CACNB2: variants seen among roughly 807,000 people sequenced by gnomAD.
The protein encoded by CACNB2 is voltage-dependent L-type calcium channel subunit beta-2.
A neutral mutation model predicts 73.3 loss-of-function variants in CACNB2; 42 were observed. That is an observed-to-expected ratio of 0.57 (90% CI 0.45 to 0.74). The LOEUF is 0.74. CACNB2 is among the 30% of genes least tolerant of loss of function. The pLI is 0.00. For synonymous variants in CACNB2, 348 were observed against 310.3 expected (o/e 1.12, Z -1.28); for missense variants, 940 against 853.0 (o/e 1.10, Z -1.27).
chr10:18,423,346 C>T (rs1346161555), intron 3 of CACNB2, among the ~76,000 whole-genome samples: 5 of 152,154 alleles, frequency 3.3e-5, no homozygotes, highest in African/African-American at 1.2e-4. Flanking sequence ...TAGAAACTTT[C>T]TGTTTGGTGC....
chr10:18,261,195 C>T (rs2037520300), intron 2 of CACNB2: 2 of 1,549,230 alleles, frequency 1.3e-6, no homozygotes, highest in South Asian at 1.2e-5. Flanking sequence ...AGAAATGGAC[C>T]GAGGCTGTGA....
chr10:18,296,073 ATGGCT>A (rs990362222), intron 2 of CACNB2, among the ~76,000 whole-genome samples: 4 of 141,024 alleles, frequency 2.8e-5, no homozygotes, highest in African/African-American at 1.1e-4. Flanking sequence ...TTCAAACTGA[ATGGCT>A]TTAAGTTATG....
intron 2 of CACNB2, among the ~76,000 whole-genome samples, chr10:18,298,995 C>A (rs2039390873): frequency 6.8e-6 from 1 of 146,276 alleles, no homozygotes; most frequent in African/African-American, 2.6e-5. Context: ...TGCAGCACAC[C>A]AACATGGCAC....
chr10:18,417,529 C>T (rs1362160603), intron 3 of CACNB2, among the ~76,000 whole-genome samples: 3 of 151,894 alleles, frequency 2.0e-5, no homozygotes, highest in South Asian at 2.1e-4. Context: ...CCACCACACC[C>T]GGCTAATTTT....
At chr10:18,211,882 A>G (rs546854596) in intron 2 of CACNB2, among the ~76,000 whole-genome samples, 1 of 151,022 alleles carries the variant, frequency 6.6e-6, no homozygotes, top group African/African-American at 2.4e-5. Flanking sequence ...TTTTCTCCCC[A>G]TTACCAACAA....
In CACNB2 at chr10:18,492,686, T is replaced by G. The variant is rs757559611; in HGVS notation, c.334-5669T>G. Among the ~76,000 whole-genome samples, 20 of 151,744 alleles carry G rather than the reference T, an allele frequency of 1.3e-4. No individual in the cohort carries two copies. In the South Asian group the frequency reaches 1.7e-3, roughly 13 times the overall value. Reference sequence around the variant, plus strand: ...AAAGAAAATGAGTATGGGAAAACCTTACCATTTGCTCAAGTCCCAGAGAAT... The same window carrying G: ...AAAGAAAATGAGTATGGGAAAACCTGACCATTTGCTCAAGTCCCAGAGAAT... On this transcript the variant is annotated intron_variant, in intron 3 of 13. Coordinates refer to ENST00000324631, the MANE Select transcript of CACNB2 (RefSeq NM_201596.3).
At chr10:18,453,780 C>T (rs890748038) in intron 3 of CACNB2, among the ~76,000 whole-genome samples, 1 of 152,162 alleles carries the variant, frequency 6.6e-6, no homozygotes, top group Non-Finnish European at 1.5e-5. Flanking sequence ...CAGGCGTGCA[C>T]CACCATGCCT....
chr10:18,441,982 A>G (rs1300814323), intron 3 of CACNB2, among the ~76,000 whole-genome samples: 1 of 152,180 alleles, frequency 6.6e-6, no homozygotes, highest in African/African-American at 2.4e-5. Context: ...TAATTAATGT[A>G]TCTGCTTTTA....
chr10:18,497,219 A>G (rs1014615956), intron 3 of CACNB2, among the ~76,000 whole-genome samples: 11 of 151,574 alleles, frequency 7.3e-5, no homozygotes, highest in Non-Finnish European at 1.3e-4. Context: ...AAAAAAAAAA[A>G]AAAAAGAAAA....
At chr10:18,173,407 G>A (rs1033412456) in intron 2 of CACNB2, among the ~76,000 whole-genome samples, 7 of 152,168 alleles carry the variant, frequency 4.6e-5, no homozygotes, top group Admixed American at 1.3e-4. Context: ...ATACATGTTG[G>A]CTCAAATGGT....
At chr10:18,509,802 AAAC>A (rs1391500820) in intron 6 of CACNB2, among the ~76,000 whole-genome samples, 1 of 151,430 alleles carries the variant, frequency 6.6e-6, no homozygotes, top group African/African-American at 2.4e-5. Context: ...ATAAATAAAT[AAAC>A]AAACAAACAG....
chr10:18,433,116 C>T (rs2045970364), intron 3 of CACNB2, among the ~76,000 whole-genome samples: 2 of 81,862 alleles, frequency 2.4e-5, no homozygotes, highest in South Asian at 5.0e-4. Flanking sequence ...TATGTATATG[C>T]GTGTATTGAT....
At chr10:18,260,340 T>C (rs762157161) in intron 2 of CACNB2, 3 of 645,034 alleles carry the variant, frequency 4.7e-6, no homozygotes, top group Non-Finnish European at 5.8e-6. Context: ...ATCTAAATCA[T>C]AGGTGGTATG....
intron 2 of CACNB2, among the ~76,000 whole-genome samples, chr10:18,337,192 T>G (rs2041041208): frequency 6.6e-6 from 1 of 152,140 alleles, no homozygotes; most frequent in Non-Finnish European, 1.5e-5. Context: ...TGTAGTAGCG[T>G]AATCTTGGCT....
At chr10:18,524,558 G>A (rs542500411) in intron 9 of CACNB2, among the ~76,000 whole-genome samples, 2 of 151,364 alleles carry the variant, frequency 1.3e-5, no homozygotes, top group African/African-American at 4.9e-5. Flanking sequence ...AGGAGGCTGA[G>A]GCAGGAGAAG....
chr10:18,422,660 G>C lies in CACNB2; in HGVS notation c.333+20617G>C, dbSNP rs188979035. Among the ~76,000 whole-genome samples the C allele has an allele frequency of 1.2e-4, 18 of 152,016 alleles. No homozygotes were observed. The East Asian group carries it at 1.4e-3, about 11-fold the overall frequency. On this transcript the variant is annotated intron_variant, in intron 3 of 13. Transcript: ENST00000324631. ...TCTTGCCAAACATGTACAATTTGGC[G>C]TACCTGGGACTGAGGAATGGCCTGT...
intron 11 of CACNB2, 101 bp downstream of exon 11, chr10:18,534,328 G>A (rs1301945439): frequency 1.9e-6 from 2 of 1,036,984 alleles, no homozygotes; most frequent in South Asian, 1.3e-5. Flanking sequence ...CCTTTATGAT[G>A]TATAGAGAAT....
rs139522367 is a variant in CACNB2 at position 18,501,017 on chromosome 10, T to C, written c.593+69T>C. ...CCACTATCTGTGTACTGTTGTCTGC[T>C]GTATTCTGTATCCTTTATTATGTAT... On this transcript the variant is annotated intron_variant, in intron 5 of 13. Coordinates refer to ENST00000324631, the MANE Select transcript of CACNB2 (RefSeq NM_201596.3). 7.1e-5 allele frequency: 99 copies of C among 1,387,696 alleles called. No homozygotes were observed. In the African/African-American group the frequency reaches 1.3e-3, roughly 18 times the overall value. The allele number at this position is 1,387,696 out of a possible 1,614,324, so 86.0% of individuals were successfully genotyped here.
intron 2 of CACNB2, among the ~76,000 whole-genome samples, chr10:18,171,644 G>A (rs111576905): frequency 1.4e-4 from 20 of 141,924 alleles, no homozygotes; most frequent in South Asian, 2.3e-4. Context: ...ACACACCACC[G>A]TTCACACACC....
Sources: gnomAD v4.1 joint callset for allele counts (sites outside exome capture counted in the v4.1 genomes callset) on GRCh38, gnomAD v4.1.1 for gene constraint, MANE v1.5 for transcripts, NCBI Gene and HGNC (gene_info 2026-07-23, HGNC 2026-07-21) for gene names.